The following SUMF1 variants were observed in gnomAD, a reference collection of about 807,000 sequenced individuals.
SUMF1 encodes the protein formylglycine-generating enzyme.
In SUMF1, 48 loss-of-function variants were observed where a neutral mutation model predicts 47.6. The ratio of observed to expected loss-of-function variants is 1.01; its 90% confidence interval spans 0.80 to 1.28. The LOEUF (loss-of-function observed/expected upper bound fraction) is 1.28. Ranked by LOEUF, SUMF1 falls within the 50% of genes most tolerant of loss-of-function variation. SUMF1 has a pLI of 0.00. For synonymous variants in SUMF1, 230 were observed against 192.1 expected (o/e 1.20, Z -1.63); for missense variants, 571 against 485.4 (o/e 1.18, Z -1.66).
At chr3:4,229,559 A>G (rs1163321155) in intron 8 of SUMF1, among the ~76,000 whole-genome samples, 1 of 152,194 alleles carries the variant, frequency 6.6e-6, no homozygotes, top group African/African-American at 2.4e-5. Flanking sequence ...TAATTCATAC[A>G]TAATGTTTGG....
chr3:4,338,248 TG>T (rs1422962724), intron 8 of SUMF1, among the ~76,000 whole-genome samples: 1 of 151,156 alleles, frequency 6.6e-6, no homozygotes, highest in Non-Finnish European at 1.5e-5. Flanking sequence ...CACTCCAGCC[TG>T]GCAGACAAAG....
intron 8 of SUMF1, among the ~76,000 whole-genome samples, chr3:4,166,356 G>C (rs576366853): frequency 6.6e-6 from 1 of 152,226 alleles, no homozygotes; most frequent in South Asian, 2.1e-4. Flanking sequence ...ATATGAATAG[G>C]AAGGATATAA....
intron 8 of SUMF1, among the ~76,000 whole-genome samples, chr3:4,090,795 A>T (rs550742459): frequency 1.3e-5 from 2 of 152,158 alleles, no homozygotes; most frequent in African/African-American, 4.8e-5. Flanking sequence ...TCTTGTTTTT[A>T]TCATTCTTTC....
Position 4,281,112 on chromosome 3 carries a change from C to T in SUMF1, c.1014+95218G>A, listed in dbSNP as rs563717793. Reference sequence around the variant, plus strand: ...AAAAGCAGGGACTGGGACTTCTGGGCGAGGAGAAAACCATATACAATGAAA... The same window carrying T: ...AAAAGCAGGGACTGGGACTTCTGGGTGAGGAGAAAACCATATACAATGAAA... On this transcript the variant is annotated intron_variant and NMD_transcript_variant, in intron 8 of 12. Transcript: ENST00000448413. 5.9e-5 allele frequency among the ~76,000 whole-genome samples: 9 copies of T among 151,934 alleles called. No homozygotes were observed. The South Asian group carries it at 8.3e-4, about 14-fold the overall frequency.
chr3:4,138,310 C>T (rs1693992432), intron 8 of SUMF1, among the ~76,000 whole-genome samples: 1 of 152,102 alleles, frequency 6.6e-6, no homozygotes, highest in Non-Finnish European at 1.5e-5. Context: ...CCTTTCACCT[C>T]AACTATCAGA....
intron 8 of SUMF1, among the ~76,000 whole-genome samples, chr3:4,145,562 AATCCATACATATATTGC>A (rs1217014864): frequency 1.3e-5 from 2 of 152,114 alleles, no homozygotes; most frequent in Admixed American, 1.3e-4. Flanking sequence ...ATGCCTTCTC[AATCCATACATATATTGC>A]TTTTGTCTCT....
intron 9 of SUMF1, among the ~76,000 whole-genome samples, chr3:4,055,001 A>G (rs959313054): frequency 6.6e-6 from 1 of 152,160 alleles, no homozygotes; most frequent in African/African-American, 2.4e-5. Flanking sequence ...CCTGACTCAG[A>G]TGCCTTACAA....
chr3:4,244,322 C>G (rs1331635964), intron 8 of SUMF1, among the ~76,000 whole-genome samples: 1 of 152,168 alleles, frequency 6.6e-6, no homozygotes, highest in Non-Finnish European at 1.5e-5. Context: ...AGTTATTTCA[C>G]CTGTTAATTG....
intron 2 of SUMF1, among the ~76,000 whole-genome samples, chr3:4,450,292 C>A (rs1215072299): frequency 6.6e-6 from 1 of 152,180 alleles, no homozygotes; most frequent in Non-Finnish European, 1.5e-5. Context: ...TCAATCTCAT[C>A]AAATTAACTA....
At chr3:4,186,076 G>T (rs1178383190) in intron 8 of SUMF1, among the ~76,000 whole-genome samples, 1 of 152,106 alleles carries the variant, frequency 6.6e-6, no homozygotes, top group African/African-American at 2.4e-5. Flanking sequence ...AGTCATCACT[G>T]GGGATAGAGT....
intron 8 of SUMF1, among the ~76,000 whole-genome samples, chr3:4,126,829 A>C (rs1306785350): frequency 5.9e-5 from 9 of 152,218 alleles, no homozygotes; most frequent in Non-Finnish European, 1.2e-4. Flanking sequence ...CACTATCAAG[A>C]GTAACTCAAT....
At chr3:4,143,587 C>T (rs577040328) in intron 8 of SUMF1, among the ~76,000 whole-genome samples, 1 of 151,958 alleles carries the variant, frequency 6.6e-6, no homozygotes, top group East Asian at 1.9e-4. Context: ...ATTCATGAGC[C>T]CTCTCTGTGA....
chr3:4,159,429 A>C (rs1694525894), intron 8 of SUMF1, among the ~76,000 whole-genome samples: 1 of 147,718 alleles, frequency 6.8e-6, no homozygotes, highest in Non-Finnish European at 1.5e-5. Context: ...AAAAACCATA[A>C]TACAAACTCT....
intron 8 of SUMF1, among the ~76,000 whole-genome samples, chr3:4,187,037 A>G: frequency 6.6e-6 from 1 of 152,160 alleles, no homozygotes; most frequent in East Asian, 1.9e-4. Context: ...GGACTATACA[A>G]CTGGATGGTG....
rs147914888 is a variant in SUMF1 at position 4,313,058 on chromosome 3, G to A, written c.1014+63272C>T. Reference sequence around the variant, plus strand: ...GATAACTCATGCCTTAGAGATATAGGATCTGGAGGAAAGTATGCAGAGCCT... The same window carrying A: ...GATAACTCATGCCTTAGAGATATAGAATCTGGAGGAAAGTATGCAGAGCCT... On this transcript the variant is annotated intron_variant and NMD_transcript_variant, in intron 8 of 12. Transcript: ENST00000448413. 41 of 1,613,780 alleles carry A rather than the reference G, an allele frequency of 2.5e-5. No homozygotes were observed. Among genetic ancestry groups the A allele is most frequent in the Non-Finnish European group, 3.4e-5 (40 of 1,179,944 alleles).
At chr3:4,081,069 A>C (rs1184930517) in intron 8 of SUMF1, among the ~76,000 whole-genome samples, 1 of 152,152 alleles carries the variant, frequency 6.6e-6, no homozygotes, top group Admixed American at 6.5e-5. Flanking sequence ...CCCAGGTTTC[A>C]AGACAAAGGT....
At chr3:4,313,666 GA>G in intron 8 of SUMF1, 1 of 1,614,012 alleles carries the variant, frequency 6.2e-7, no homozygotes, top group Non-Finnish European at 8.5e-7. Flanking sequence ...CTGCCCCGTA[GA>G]AAAGTCGAAC....
chr3:4,408,456 A>C (rs1701440904), intron 7 of SUMF1, among the ~76,000 whole-genome samples: 1 of 152,206 alleles, frequency 6.6e-6, no homozygotes, highest in Non-Finnish European at 1.5e-5. Context: ...TAACTGTTTA[A>C]AAAAGAAAAA....
chr3:4,440,481 T>C (rs1702550047), intron 3 of SUMF1, among the ~76,000 whole-genome samples: 1 of 152,170 alleles, frequency 6.6e-6, no homozygotes, highest in African/African-American at 2.4e-5. Flanking sequence ...TTCAGGTAAC[T>C]GGATCGCATC....
Sources: gnomAD v4.1 joint callset for allele counts (sites outside exome capture counted in the v4.1 genomes callset) on GRCh38, gnomAD v4.1.1 for gene constraint, MANE v1.5 for transcripts, NCBI Gene and HGNC (gene_info 2026-07-23, HGNC 2026-07-21) for gene names.